Variants in ITPR3 observed in about 807,000 individuals in gnomAD.
ITPR3 encodes inositol 1,4,5-trisphosphate receptor type 3, also known as inositol 1,4,5-trisphosphate-gated calcium channel ITPR3.
In ITPR3, 173 loss-of-function variants were observed where a neutral mutation model predicts 293.2. The ratio of observed to expected loss-of-function variants is 0.59; its 90% CI spans 0.52 to 0.67. The LOEUF (loss-of-function observed/expected upper bound fraction) is 0.67, where lower values mean the gene tolerates loss of function less well. Ranked by LOEUF, ITPR3 falls within the 30% of genes least tolerant of loss-of-function variation. ITPR3 has a pLI of 0.00. For missense variants in ITPR3, 2,796 were observed against 3,592.1 expected (o/e 0.78, Z 5.66); for synonymous variants, 1,295 against 1,444.4 (o/e 0.90, Z 2.35).
In ITPR3 at chr6:33,666,729, AT is replaced by A. The variant is rs1764619084; in HGVS notation, c.1552-395del. ...TCCACCCAGCCCCAGCCTTTAAAAC[AT>A]TTTTGTAATTATGTAACATTTTACT... On this transcript the variant is annotated intron_variant, in intron 14 of 57. Coordinates refer to ENST00000605930, the MANE Select transcript of ITPR3 (RefSeq NM_002224.4). This position sits in a 1 kb window ranked among gnomAD's most constrained non-coding sequence, Gnocchi z 5.1. Among the ~76,000 whole-genome samples, 1 of 151,854 alleles carries A rather than the reference AT, an allele frequency of 6.6e-6. No homozygotes were observed. Among genetic ancestry groups the A allele is most frequent in the African/African-American group, 2.4e-5 (1 of 41,300 alleles).
At position 33,658,871 on chromosome 6, in the gene ITPR3, G is replaced by C. The variant is rs373183060; in HGVS notation, c.528+43G>C. On this transcript the variant is annotated intron_variant, in intron 5 of 57. Transcript: ENST00000605930. The surrounding 1 kb of genome is among the most constrained non-coding windows in gnomAD (Gnocchi z 6.1). The stretch of plus-strand genomic sequence containing the variant: ...GTTGGAGGGGCCTGGTGGAACTCCC[G>C]AGGGGCTTCTGTAGGGTCTTCGGTG... 4 of 1,611,228 alleles carry C rather than the reference G, an allele frequency of 2.5e-6. No homozygotes were observed. The highest frequency in any genetic ancestry group is 1.7e-5 in the Admixed American group (1 of 59,870).
chr6:33,695,265 C>A (rs1765511197), intron 57 of ITPR3, 180 bp downstream of exon 57: 2 of 681,878 alleles, frequency 2.9e-6, no homozygotes, highest in African/African-American at 3.6e-5. Flanking sequence ...GTTGACAACC[C>A]CTGCCTTGGG....
chr6:33,671,962 G>T, intron 21 of ITPR3, 67 bp from the exon 22 acceptor site: 1 of 1,437,280 alleles, frequency 7.0e-7, no homozygotes, highest in South Asian at 1.3e-5. Context: ...TCCCTCATCA[G>T]ACCAGGGACC....
At chr6:33,694,827 G>A (rs1267860927) in intron 56 of ITPR3, 97 bp from the exon 57 acceptor site, 2 of 1,456,658 alleles carry the variant, frequency 1.4e-6, no homozygotes, top group Non-Finnish European at 1.9e-6. Flanking sequence ...TTTTGTTAAG[G>A]GTGTGGCAGA....
At position 33,668,584 on chromosome 6, in the gene ITPR3, C is replaced by T. The variant is rs1279090857; in HGVS notation, c.1956C>T (p.Ile652=). 5 of 1,614,242 alleles carry T rather than the reference C, an allele frequency of 3.1e-6. No homozygotes were observed. The highest frequency in any genetic ancestry group is 4.2e-6 in the Non-Finnish European group (5 of 1,180,036). ...HIAIPVTQEL[I]CKCVLDPKNS... ...CCATCCCCGTCACCCAAGAGCTCAT[C>T]TGCAAGTGTGTGCTGGACCCCAAGA... The change falls in exon 17 of 58, where the codon ATC becomes ATT. Residue 652 remains isoleucine (I), a synonymous_variant. Coordinates refer to ENST00000605930, the MANE Select transcript of ITPR3 (RefSeq NM_002224.4).
At position 33,660,731 on chromosome 6, in the gene ITPR3, C is replaced by A. The variant is rs142007424; in HGVS notation, c.711+1182C>A. 4.2e-3 allele frequency among the ~76,000 whole-genome samples: 635 copies of A among 152,246 alleles called. 5 individuals are homozygous for A. Among genetic ancestry groups the A allele is most frequent in the African/African-American group, 0.01 (435 of 41,532 alleles). ...ATCACTTGAGGTCAGGAGCTCAAGACCAGCCTGGCCAACGTGGAGAAAGCC... is the reference window on the plus strand; with the variant it reads ...ATCACTTGAGGTCAGGAGCTCAAGAACAGCCTGGCCAACGTGGAGAAAGCC... On this transcript the variant is annotated intron_variant, in intron 7 of 57. Transcript: ENST00000605930.
rs781025325 is a variant in ITPR3, at chr6:33,684,643, CG to C, written c.5094del (p.Lys1699SerfsTer12). The C allele has an allele frequency of 1.2e-4, 197 of 1,614,016 alleles. No individual in the cohort carries two copies. The highest frequency in any genetic ancestry group is 1.5e-4 in the Non-Finnish European group (175 of 1,180,038). On this transcript the variant is annotated frameshift_variant, in exon 38 of 58. Coordinates refer to ENST00000605930, the MANE Select transcript of ITPR3 (RefSeq NM_002224.4). LOFTEE classifies it high-confidence loss of function. The surrounding 1 kb of genome is among the most constrained non-coding windows in gnomAD (Gnocchi z 4.2). Reference sequence around the variant, plus strand: ...GCTGCTGCAAAACTACCTCCAGAACCGGAAGTCCACCTCGCGGGGGGACCTT... The same window carrying C: ...GCTGCTGCAAAACTACCTCCAGAACCGAAGTCCACCTCGCGGGGGGACCTT... ...KMLLQNYLQN[R>X]KSTSRGDLPD...
chr6:33,651,137 C>T (rs188991040), intron 2 of ITPR3, among the ~76,000 whole-genome samples: 2,465 of 151,796 alleles, frequency 0.016, 75 homozygotes, highest in African/African-American at 0.053. Flanking sequence ...ATTAGCCGGG[C>T]GTGGTGGCAC....
rs894305071 is a variant in ITPR3, at chr6:33,667,886, G to A, written c.1808G>A (p.Arg603His). The part of the protein sequence containing the change: ...DTITALLHNN[R>H]KLLEKHITKT... ...ATCACTGCCCTGCTGCACAACAACC[G>A]CAAGCTCCTGGAAAAGCACATCACC... The change falls in exon 16 of 58, where the codon CGC (arginine) becomes CAC (histidine). Residue 603 changes from arginine to histidine, a missense_variant. Physicochemically the swap from Arg to His is conservative, Grantham distance 29. Around this residue, in one of 8 missense-constraint regions of ITPR3, gnomAD observed 955 missense variants for 1,180.8 expected, o/e 0.81. Coordinates refer to ENST00000605930, the MANE Select transcript of ITPR3 (RefSeq NM_002224.4). The surrounding 1 kb of genome is among the most constrained non-coding windows in gnomAD (Gnocchi z 4.4). The A allele has an allele frequency of 4.3e-6, 7 of 1,614,144 alleles. No individual in the cohort carries two copies. Among genetic ancestry groups the A allele is most frequent in the Non-Finnish European group, 5.9e-6 (7 of 1,180,014 alleles).
At chr6:33,639,925 G>T (rs1368474904) in intron 1 of ITPR3, among the ~76,000 whole-genome samples, 1 of 152,148 alleles carries the variant, frequency 6.6e-6, no homozygotes, top group Non-Finnish European at 1.5e-5. Flanking sequence ...AGACTGGGAA[G>T]GGGTGAGAAT....
chr6:33,690,180 G>A lies in ITPR3; in HGVS notation c.7014G>A (p.Glu2338=), dbSNP rs778743700. The A allele has an allele frequency of 3.7e-6, 6 of 1,613,978 alleles. No homozygotes were observed. The highest frequency in any genetic ancestry group is 2.2e-5 in the East Asian group (1 of 44,900). ...GTGTCCTGGGCCTCTTTGCTCATGAGCTGTTCTACAGCATCCTGGTGAGGC... is the reference window on the plus strand; with the variant it reads ...GTGTCCTGGGCCTCTTTGCTCATGAACTGTTCTACAGCATCCTGGTGAGGC... ...LTSVLGLFAH[E]LFYSILLFDL... Residue 2338 remains glutamate (E), a synonymous_variant, in exon 51 of 58, where the codon GAG becomes GAA. Transcript: ENST00000605930.
In ITPR3 at chr6:33,675,790, G is replaced by T; in HGVS notation, c.3216G>T (p.Ser1072=). The T allele has an allele frequency of 6.2e-7, 1 of 1,608,650 alleles. No homozygotes were observed. Residue 1072 remains serine (S), a synonymous_variant, in exon 25 of 58, where the codon TCG becomes TCT. Transcript: ENST00000605930. This position sits in a 1 kb window ranked among gnomAD's most constrained non-coding sequence, Gnocchi z 5.0. ...LTMHDYAPLV[S]GALQLLFKHF... is the part of the protein sequence containing the mutation. ...TGCACGACTATGCGCCGCTGGTCTCGGGTGCCCTGCAGCTGCTCTTCAAGC... is the reference window on the plus strand; with the variant it reads ...TGCACGACTATGCGCCGCTGGTCTCTGGTGCCCTGCAGCTGCTCTTCAAGC...
rs200638538 is a variant in ITPR3, at chr6:33,672,187, G to A, written c.2887G>A (p.Val963Met). The A allele has an allele frequency of 1.2e-6, 2 of 1,613,990 alleles. No individual in the cohort carries two copies. Among genetic ancestry groups the A allele is most frequent in the African/African-American group, 2.7e-5 (2 of 74,974 alleles). The change falls in exon 22 of 58, where the codon GTG becomes ATG. Residue 963 changes from valine (V) to methionine (M), a missense_variant. Transcript: ENST00000605930. This position sits in a 1 kb window ranked among gnomAD's most constrained non-coding sequence, Gnocchi z 5.0. ...RSKFEENEDI[V>M]VMETKLKILE... is the part of the protein sequence containing the mutation. Reference sequence around the variant, plus strand: ...CAAGTTTGAGGAGAATGAGGACATTGTGGTGATGGAGACCAAGCTGAAGAT... The same window carrying A: ...CAAGTTTGAGGAGAATGAGGACATTATGGTGATGGAGACCAAGCTGAAGAT...
chr6:33,691,684 G>A lies in ITPR3; in HGVS notation c.7295G>A (p.Cys2432Tyr). Reference protein sequence around the residue: ...VDTCSGDKMDCVSGLSVPEVL... With the variant: ...VDTCSGDKMDYVSGLSVPEVL... ...ACCTGCAGTGGGGACAAGATGGACT[G>A]TGTCTCAGGGCTCTCGGTGCCTGAG... The change falls in exon 53 of 58, where the codon TGT (cysteine) becomes TAT (tyrosine). Residue 2432 changes from cysteine (C) to tyrosine (Y), a missense_variant. Around this residue, in one of 8 missense-constraint regions of ITPR3, gnomAD observed 568 missense variants for 796.1 expected, o/e 0.71. Coordinates refer to ENST00000605930, the MANE Select transcript of ITPR3 (RefSeq NM_002224.4). The surrounding 1 kb of genome is among the most constrained non-coding windows in gnomAD (Gnocchi z 4.9). 6.2e-7 allele frequency: 1 copy of A among 1,614,096 alleles called. No homozygotes were observed. The highest frequency in any genetic ancestry group is 8.5e-7 in the Non-Finnish European group (1 of 1,179,978).
intron 1 of ITPR3, among the ~76,000 whole-genome samples, chr6:33,630,784 T>G (rs1157230740): frequency 6.6e-6 from 1 of 152,262 alleles, no homozygotes; most frequent in Non-Finnish European, 1.5e-5. Flanking sequence ...CTTATTGTCC[T>G]TTCTAGACTT....
At chr6:33,694,711 G>GTAGA in intron 56 of ITPR3, 20 of 589,952 alleles carry the variant, frequency 3.4e-5, no homozygotes, top group Admixed American at 2.2e-4. Context: ...AAGTCAGCCT[G>GTAGA]TCTCGGTGGC....
Position 33,683,215 on chromosome 6 carries a change from C to T in ITPR3, c.4606C>T (p.Arg1536Trp), listed in dbSNP as rs1278473286. Residue 1536 changes from arginine to tryptophan, a missense_variant, in exon 35 of 58, where the codon CGG becomes TGG. Around this residue, in one of 8 missense-constraint regions of ITPR3, gnomAD observed 704 missense variants for 797.5 expected, o/e 0.88. Transcript: ENST00000605930. The surrounding 1 kb of genome is among the most constrained non-coding windows in gnomAD (Gnocchi z 4.5). ...IRTLAMVAKG[R>W]AILLPMDLDA... The stretch of plus-strand genomic sequence containing the variant: ...CCTCCCTTCCCACCCAGCCAAGGGC[C>T]GGGCCATCTTGCTGCCCATGGACCT... 4.6e-6 allele frequency: 7 copies of T among 1,529,790 alleles called. No homozygotes were observed. The East Asian group carries it at 9.8e-5, about 21-fold the overall frequency. The allele number at this position is 1,529,790 out of a possible 1,614,324, so 94.8% of individuals were successfully genotyped here. A position where few individuals can be genotyped will look rare whatever the true frequency, so the allele number is the denominator to read the frequency against.
At chr6:33,668,094 C>A in intron 16 of ITPR3, 130 bp downstream of exon 16, 1 of 1,080,062 alleles carries the variant, frequency 9.3e-7, no homozygotes, top group Non-Finnish European at 1.3e-6. Flanking sequence ...CACTGGGTGG[C>A]TCAGCACTGG....
rs1375319152 is a variant in ITPR3, at chr6:33,679,841, T to A, written c.3973-41T>A. ...ACGGAGAGGAGAGCCCAGGGCTTGCTGGACCGAGAGAGTGTGACACGTGCC... is the reference window on the plus strand; with the variant it reads ...ACGGAGAGGAGAGCCCAGGGCTTGCAGGACCGAGAGAGTGTGACACGTGCC... On this transcript the variant is annotated intron_variant, in intron 30 of 57. Transcript: ENST00000605930. The surrounding 1 kb of genome is among the most constrained non-coding windows in gnomAD (Gnocchi z 4.2). 6.3e-7 allele frequency: 1 copy of A among 1,581,854 alleles called. No homozygotes were observed. The highest frequency in any genetic ancestry group is 1.2e-5 in the South Asian group (1 of 86,156).
Sources: gnomAD v4.1 joint callset for allele counts (sites outside exome capture counted in the v4.1 genomes callset) on GRCh38, gnomAD v4.1.1 for gene constraint, gnomAD v4.1.1 regional missense constraint, Gnocchi (gnomAD v3.1) non-coding constraint, MANE v1.5 for transcripts, NCBI Gene and HGNC (gene_info 2026-07-23, HGNC 2026-07-21) for gene names.